SLC24A2: variants seen among roughly 807,000 people sequenced by gnomAD.
The protein encoded by SLC24A2 is solute carrier family 24 member 2.
A neutral mutation model predicts 62.0 loss-of-function variants in SLC24A2; 36 were observed. The ratio of observed to expected loss-of-function variants is 0.58; its 90% confidence interval spans 0.44 to 0.77. The LOEUF (loss-of-function observed/expected upper bound fraction) is 0.77, where lower values mean the gene tolerates loss of function less well. Among genes scored for constraint, SLC24A2 ranks in the 30% least tolerant of loss-of-function variants. The probability of loss-of-function intolerance (pLI) is 0.00; values close to 1 mark genes in which losing one functional copy is unlikely to be tolerated. For synonymous variants in SLC24A2, 358 were observed against 294.0 expected (o/e 1.22, Z -2.23); for missense variants, 846 against 817.9 (o/e 1.03, Z -0.42).
chr9:20,110,232 A>G, the SLC24A2 span, among the ~76,000 whole-genome samples: 12 of 150,830 alleles, frequency 8.0e-5, no homozygotes, highest in African/African-American at 2.9e-4. Flanking sequence ...AGGTCACCAT[A>G]TTATAGAATT....
chr9:19,978,405 C>T, the SLC24A2 span, among the ~76,000 whole-genome samples: 2 of 151,822 alleles, frequency 1.3e-5, no homozygotes, highest in African/African-American at 4.8e-5. Context: ...GCCCTTCCCT[C>T]GCCCCTCTTT....
chr9:19,830,185 C>G, the SLC24A2 span, among the ~76,000 whole-genome samples: 1 of 152,140 alleles, frequency 6.6e-6, no homozygotes, highest in South Asian at 2.1e-4. Context: ...CTGACATCAC[C>G]TATCTGAGAT....
At chr9:19,762,878 G>C (rs1167409773) in intron 2 of SLC24A2, among the ~76,000 whole-genome samples, 3 of 150,592 alleles carry the variant, frequency 2.0e-5, no homozygotes, top group Non-Finnish European at 3.0e-5. Context: ...AGCTTGATGG[G>C]AATAGCATTG....
the SLC24A2 span, among the ~76,000 whole-genome samples, chr9:19,847,917 G>C: frequency 6.6e-6 from 1 of 152,182 alleles, no homozygotes; most frequent in Non-Finnish European, 1.5e-5. Context: ...TGTTTGGATA[G>C]ACAAGGCTCT....
intron 2 of SLC24A2, among the ~76,000 whole-genome samples, chr9:19,744,917 T>C (rs1477023413): frequency 6.6e-6 from 1 of 152,166 alleles, no homozygotes; most frequent in Non-Finnish European, 1.5e-5. Flanking sequence ...CCCACTCTTC[T>C]GAAAGTGTAT....
At chr9:19,986,002 GA>G in the SLC24A2 span, among the ~76,000 whole-genome samples, 1 of 152,054 alleles carries the variant, frequency 6.6e-6, no homozygotes, top group Non-Finnish European at 1.5e-5. Flanking sequence ...TATAGGATGG[GA>G]GAAAATATTT....
the SLC24A2 span, among the ~76,000 whole-genome samples, chr9:20,073,839 C>A: frequency 6.7e-6 from 1 of 148,286 alleles, no homozygotes; most frequent in African/African-American, 2.5e-5. Context: ...ATACAAACTT[C>A]ATATATGTGT....
the SLC24A2 span, among the ~76,000 whole-genome samples, chr9:19,978,377 C>G: frequency 2.0e-5 from 3 of 152,072 alleles, no homozygotes; most frequent in South Asian, 4.1e-4. Flanking sequence ...CCCTGGTTAT[C>G]TTTAGCCTGC....
the SLC24A2 span, among the ~76,000 whole-genome samples, chr9:20,005,603 C>T: frequency 6.6e-6 from 1 of 151,934 alleles, no homozygotes; most frequent in Non-Finnish European, 1.5e-5. Context: ...CATTATACTG[C>T]CAAACCAAAG....
At chr9:20,214,350 A>T in the SLC24A2 span, among the ~76,000 whole-genome samples, 1 of 152,214 alleles carries the variant, frequency 6.6e-6, no homozygotes, top group East Asian at 1.9e-4. Flanking sequence ...ACAGTGGCTC[A>T]CACCTGTAGT....
chr9:19,760,552 T>C (rs888861761), intron 2 of SLC24A2, among the ~76,000 whole-genome samples: 3 of 151,802 alleles, frequency 2.0e-5, no homozygotes, highest in Non-Finnish European at 4.4e-5. Flanking sequence ...CTGTGTGATG[T>C]TCCCCTCCCT....
chr9:19,529,264 C>A (rs1833583074), intron 8 of SLC24A2, among the ~76,000 whole-genome samples: 1 of 152,126 alleles, frequency 6.6e-6, no homozygotes, highest in Admixed American at 6.5e-5. Context: ...GAAAGGCTGA[C>A]CTTGGGCAGT....
chr9:19,994,325 A>G, the SLC24A2 span, among the ~76,000 whole-genome samples: 1 of 152,188 alleles, frequency 6.6e-6, no homozygotes, highest in Non-Finnish European at 1.5e-5. Context: ...CTATGGAAAG[A>G]CAGCCTTAGC....
At chr9:19,905,414 T>A in the SLC24A2 span, among the ~76,000 whole-genome samples, 1 of 152,136 alleles carries the variant, frequency 6.6e-6, no homozygotes, top group Admixed American at 6.5e-5. Flanking sequence ...CTCTTTTTTT[T>A]TTTTTTCTTT....
At chr9:20,174,325 C>G in the SLC24A2 span, among the ~76,000 whole-genome samples, 1 of 151,556 alleles carries the variant, frequency 6.6e-6, no homozygotes, top group Non-Finnish European at 1.5e-5. Context: ...AAAGCAAAAG[C>G]AATTAAAAGA....
chr9:19,829,232 T>C, the SLC24A2 span, among the ~76,000 whole-genome samples: 2 of 152,176 alleles, frequency 1.3e-5, no homozygotes, highest in African/African-American at 4.8e-5. Flanking sequence ...CTTTCAAGAC[T>C]CTTTCTATGA....
the SLC24A2 span, among the ~76,000 whole-genome samples, chr9:20,076,881 ACATAT>A: frequency 1.7e-5 from 2 of 120,202 alleles, no homozygotes; most frequent in East Asian, 4.4e-4. Flanking sequence ...ATATATATAT[ACATAT>A]CATATGTGTA....
At chr9:19,752,216 C>G (rs986325580) in intron 2 of SLC24A2, among the ~76,000 whole-genome samples, 1 of 151,952 alleles carries the variant, frequency 6.6e-6, no homozygotes, top group African/African-American at 2.4e-5. Context: ...CAGGATGGAG[C>G]TAGGTAGAAC....
chr9:19,981,986 C>T, the SLC24A2 span, among the ~76,000 whole-genome samples: 23 of 152,120 alleles, frequency 1.5e-4, no homozygotes, highest in South Asian at 1.0e-3. Flanking sequence ...AAGGAGTAAG[C>T]GTGTCTTTAA....
Sources: allele counts gnomAD v4.1 joint callset (sites outside exome capture counted in the v4.1 genomes callset), GRCh38; gene constraint gnomAD v4.1.1; transcripts MANE v1.5; gene names NCBI Gene and HGNC (gene_info 2026-07-23, HGNC 2026-07-21).